SPATC1: variants seen among roughly 807,000 people sequenced by gnomAD.
The protein encoded by SPATC1 is spermatogenesis and centriole associated 1.
A neutral mutation model predicts 36.5 loss-of-function variants in SPATC1; 35 were observed. The observed-to-expected ratio is 0.96, with a 90% CI of 0.73 to 1.27. The LOEUF is 1.27. Ranked by LOEUF, SPATC1 falls within the 50% of genes most tolerant of loss-of-function variation. The pLI is 0.00. For synonymous variants in SPATC1, 361 were observed against 353.6 expected, an observed-to-expected ratio of 1.02 and a Z score of -0.24; for missense variants, 779 against 796.0, an observed-to-expected ratio of 0.98 and a Z score of 0.26.
rs1484400879 is a variant in SPATC1 at position 144,045,417 on chromosome 8, C to T, written c.1447-1210C>T. ...GTCCAGCCCCAAGACTGGTACCCTGCGCCTGGAGCCTTCCCCGAGGGGTGG... is the reference window on the plus strand; with the variant it reads ...GTCCAGCCCCAAGACTGGTACCCTGTGCCTGGAGCCTTCCCCGAGGGGTGG... On this transcript the variant is annotated intron_variant, in intron 4 of 4. Transcript: ENST00000377470. The surrounding 1 kb of genome is among the most constrained non-coding windows in gnomAD (Gnocchi z 5.2). Among the ~76,000 whole-genome samples the T allele has an allele frequency of 1.7e-4, 26 of 152,198 alleles. No individual in the cohort carries two copies. The highest frequency in any genetic ancestry group is 7.2e-4 in the Admixed American group (11 of 15,288).
rs1393942297 is a variant in SPATC1 at position 144,046,055 on chromosome 8, C to T, written c.1447-572C>T. ...ACGCAGATGGAGACAGGCCCCTCAG[C>T]GCTGGGGCCAACACTTGCCTGGGGT... On this transcript the variant is annotated intron_variant, in intron 4 of 4. Coordinates refer to ENST00000377470, the MANE Select transcript of SPATC1 (RefSeq NM_198572.3). The surrounding 1 kb of genome is among the most constrained non-coding windows in gnomAD (Gnocchi z 6.6). Among the ~76,000 whole-genome samples, 2 of 152,144 alleles carry T rather than the reference C, an allele frequency of 1.3e-5. No homozygotes were observed. Among genetic ancestry groups the T allele is most frequent in the Admixed American group, 6.5e-5 (1 of 15,284 alleles).
intron 1 of SPATC1, among the ~76,000 whole-genome samples, chr8:144,020,313 C>G (rs1327485800): frequency 4.0e-5 from 6 of 151,520 alleles, no homozygotes; most frequent in African/African-American, 1.5e-4. Context: ...AAACTTCTCC[C>G]CTCAGGACCT....
intron 1 of SPATC1, among the ~76,000 whole-genome samples, chr8:144,037,485 T>C (rs1311341542): frequency 2.0e-5 from 3 of 152,064 alleles, no homozygotes; most frequent in Non-Finnish European, 4.4e-5. Context: ...AAAATTCTTA[T>C]CCTGTTGATC....
At chr8:144,017,027 A>G (rs970897798) in intron 1 of SPATC1, among the ~76,000 whole-genome samples, 1 of 152,204 alleles carries the variant, frequency 6.6e-6, no homozygotes, top group Non-Finnish European at 1.5e-5. Context: ...TTGGAGGGAG[A>G]GTAGACTGAG....
chr8:144,046,425 G>T lies in SPATC1; in HGVS notation c.1447-202G>T, dbSNP rs1267799563. On this transcript the variant is annotated intron_variant, in intron 4 of 4. Transcript: ENST00000377470. This position sits in a 1 kb window ranked among gnomAD's most constrained non-coding sequence, Gnocchi z 6.6. ...CTTTGAGAGCCACCTGCCCTGCCCG[G>T]ATCAGGCCTTGGAGACCTGTCAGGC... Among the ~76,000 whole-genome samples, 1 of 152,164 alleles carries T rather than the reference G, an allele frequency of 6.6e-6. No individual in the cohort carries two copies. Among genetic ancestry groups the T allele is most frequent in the Non-Finnish European group, 1.5e-5 (1 of 68,016 alleles).
chr8:144,018,331 C>T (rs1418435572), intron 1 of SPATC1, among the ~76,000 whole-genome samples: 1 of 152,076 alleles, frequency 6.6e-6, no homozygotes, highest in Non-Finnish European at 1.5e-5. Context: ...GGTGAAAAGT[C>T]AGTGAGAAAA....
At chr8:144,018,970 A>C (rs1834448027) in intron 1 of SPATC1, among the ~76,000 whole-genome samples, 1 of 133,168 alleles carries the variant, frequency 7.5e-6, no homozygotes, top group Non-Finnish European at 1.5e-5. Context: ...TGAACCCGGG[A>C]GGCAGAGCTT....
chr8:144,044,775 C>T (rs978110978), intron 4 of SPATC1, among the ~76,000 whole-genome samples: 3 of 151,844 alleles, frequency 2.0e-5, no homozygotes, highest in African/African-American at 4.8e-5. Context: ...GATGAAACCC[C>T]GTCTCTACTA....
At chr8:144,034,737 C>T (rs1478916208) in intron 1 of SPATC1, among the ~76,000 whole-genome samples, 2 of 152,000 alleles carry the variant, frequency 1.3e-5, no homozygotes, top group African/African-American at 2.4e-5. Context: ...TTCTCCTGCC[C>T]CAGGTTCCCG....
intron 1 of SPATC1, among the ~76,000 whole-genome samples, chr8:144,032,229 G>T (rs1017140278): frequency 6.6e-6 from 1 of 151,874 alleles, no homozygotes; most frequent in East Asian, 1.9e-4. Flanking sequence ...TGCCCAGATC[G>T]GTTGAATCCC....
intron 1 of SPATC1, among the ~76,000 whole-genome samples, chr8:144,029,058 T>C (rs950737372): frequency 6.6e-6 from 1 of 150,708 alleles, no homozygotes; most frequent in Non-Finnish European, 1.5e-5. Context: ...GTCGGAGGGG[T>C]TGGGGGAGGG....
intron 1 of SPATC1, among the ~76,000 whole-genome samples, chr8:144,034,637 T>TTTAG (rs1196491112): frequency 5.9e-5 from 9 of 152,108 alleles, no homozygotes; most frequent in African/African-American, 2.2e-4. Context: ...TATTTATTTA[T>TTTAG]TTTTAGACGG....
intron 1 of SPATC1, among the ~76,000 whole-genome samples, chr8:144,024,318 C>A (rs1260272597): frequency 6.7e-6 from 1 of 149,880 alleles, no homozygotes; most frequent in South Asian, 2.1e-4. Context: ...AACTTCCTCC[C>A]CCAGGACCGC....
At chr8:144,042,284 A>AATAT (rs1554756220) in intron 4 of SPATC1, among the ~76,000 whole-genome samples, 454 of 36,256 alleles carry the variant, frequency 0.013, 10 homozygotes, top group Middle Eastern at 0.023. Context: ...ACGCCCAGCT[A>AATAT]ATATATATAT....
At chr8:144,041,943 G>A in intron 4 of SPATC1, 1 of 985,310 alleles carries the variant, frequency 1.0e-6, no homozygotes, top group South Asian at 4.7e-5. Flanking sequence ...GCATCCTTGG[G>A]TTAGTTTTGT....
Position 144,046,871 on chromosome 8 carries a change from C to T in SPATC1, c.1691C>T (p.Pro564Leu). The change falls in exon 5 of 5, where the codon CCC becomes CTC. Residue 564 changes from proline to leucine, a missense_variant. By Grantham distance (98) the Pro-to-Leu change is moderately conservative (BLOSUM62 -3). Transcript: ENST00000377470. The surrounding 1 kb of genome is among the most constrained non-coding windows in gnomAD (Gnocchi z 6.6). ...CGTGTGGTGGTGGAGACCGTGCACCCCGGCATGCTCGCCGACGCGCTGCTG... is the reference window on the plus strand; with the variant it reads ...CGTGTGGTGGTGGAGACCGTGCACCTCGGCATGCTCGCCGACGCGCTGCTG... ...LQRVVVETVH[P>L]GMLADALLLL... 2 of 1,600,666 alleles carry T rather than the reference C, an allele frequency of 1.2e-6. No homozygotes were observed. Among genetic ancestry groups the T allele is most frequent in the East Asian group, 4.5e-5 (2 of 44,882 alleles).
chr8:144,021,112 T>TCCCTCAGGACCCCCTCCCCTCAGAACCC (rs2133107035), intron 1 of SPATC1, among the ~76,000 whole-genome samples: 1 of 115,076 alleles, frequency 8.7e-6, no homozygotes, highest in African/African-American at 4.0e-5. Flanking sequence ...ATAACCCACT[T>TCCCTCAGGACCCCCTCCCCTCAGAACCC]TCTCCCATGA....
At position 144,046,836 on chromosome 8, in the gene SPATC1, C is replaced by T. The variant is rs782528323; in HGVS notation, c.1656C>T (p.Asp552=). Residue 552 remains aspartate, a synonymous_variant, in exon 5 of 5, where the codon GAC becomes GAT. Transcript: ENST00000377470. This position sits in a 1 kb window ranked among gnomAD's most constrained non-coding sequence, Gnocchi z 6.6. ...CTGAGGGCGGCCCCTACACCGTGGA[C>T]TTCCTGCAGCGTGTGGTGGTGGAGA... ...AASEGGPYTV[D]FLQRVVVETV... is the part of the protein sequence containing the mutation. The T allele has an allele frequency of 6.2e-7, 1 of 1,603,124 alleles. No individual in the cohort carries two copies. The highest frequency in any genetic ancestry group is 8.5e-7 in the Non-Finnish European group (1 of 1,179,872).
intron 1 of SPATC1, among the ~76,000 whole-genome samples, chr8:144,014,284 A>G (rs1433570645): frequency 1.3e-5 from 2 of 150,360 alleles, no homozygotes; most frequent in African/African-American, 4.9e-5. Context: ...AAAGAGAGAG[A>G]GAGAGGAAGG....
Sources: gnomAD v4.1 joint callset for allele counts (sites outside exome capture counted in the v4.1 genomes callset) on GRCh38, gnomAD v4.1.1 for gene constraint, Gnocchi (gnomAD v3.1) non-coding constraint, MANE v1.5 for transcripts, NCBI Gene and HGNC (gene_info 2026-07-23, HGNC 2026-07-21) for gene names.